CTNNA3: variants seen among roughly 807,000 people sequenced by gnomAD.
The protein encoded by CTNNA3 is catenin alpha-3.
A neutral mutation model predicts 95.7 loss-of-function variants in CTNNA3; 76 were observed. That is an observed-to-expected ratio of 0.79 (90% CI 0.66 to 0.96). The LOEUF (loss-of-function observed/expected upper bound fraction) is 0.96. CTNNA3 is among the 40% of genes least tolerant of loss of function. CTNNA3 has a pLI of 0.00. For synonymous variants in CTNNA3, 431 were observed against 374.4 expected (o/e 1.15, Z -1.74); for missense variants, 1,191 against 1,089.8 (o/e 1.09, Z -1.31).
At chr10:66,520,412 C>G (rs1179750231) in intron 11 of CTNNA3, among the ~76,000 whole-genome samples, 1 of 151,516 alleles carries the variant, frequency 6.6e-6, no homozygotes, top group African/African-American at 2.4e-5. Context: ...CCATGACACC[C>G]AGCTAATTTT....
At chr10:66,873,921 T>A (rs188764596) in intron 7 of CTNNA3, among the ~76,000 whole-genome samples, 7 of 152,212 alleles carry the variant, frequency 4.6e-5, no homozygotes, top group Admixed American at 3.9e-4. Flanking sequence ...AAAGGATGAG[T>A]TAGTCTGGAT....
intron 13 of CTNNA3, among the ~76,000 whole-genome samples, chr10:66,166,043 G>A (rs905059289): frequency 1.3e-5 from 2 of 152,108 alleles, no homozygotes; most frequent in South Asian, 4.2e-4. Flanking sequence ...TGGGATTACA[G>A]GTGTGAGCCA....
At chr10:67,532,388 T>A (rs1840354994) in intron 4 of CTNNA3, among the ~76,000 whole-genome samples, 1 of 152,182 alleles carries the variant, frequency 6.6e-6, no homozygotes, top group African/African-American at 2.4e-5. Context: ...GGTAATGTGA[T>A]TTTTCTGTCA....
At chr10:66,047,904 G>A (rs1184650892) in intron 15 of CTNNA3, among the ~76,000 whole-genome samples, 1 of 151,804 alleles carries the variant, frequency 6.6e-6, no homozygotes, top group African/African-American at 2.4e-5. Flanking sequence ...AAATACCTAG[G>A]AATACAGCTA....
At chr10:67,252,925 C>T (rs1866167409) in intron 5 of CTNNA3, among the ~76,000 whole-genome samples, 1 of 152,200 alleles carries the variant, frequency 6.6e-6, no homozygotes, top group African/African-American at 2.4e-5. Flanking sequence ...TGAGGTATGA[C>T]AACCAAACTA....
intron 13 of CTNNA3, among the ~76,000 whole-genome samples, chr10:66,107,041 T>G (rs184373171): frequency 0.011 from 1,638 of 152,294 alleles, 9 homozygotes; most frequent in Middle Eastern, 0.051. Flanking sequence ...ACTTTAATCA[T>G]GTCTAACAGC....
chr10:66,281,765 T>C (rs2091495933), intron 12 of CTNNA3, among the ~76,000 whole-genome samples: 1 of 151,824 alleles, frequency 6.6e-6, no homozygotes. Context: ...CTGCCTGCCA[T>C]GTTATTGATA....
chr10:67,159,498 G>C (rs1003027042), intron 7 of CTNNA3, among the ~76,000 whole-genome samples: 9 of 152,144 alleles, frequency 5.9e-5, no homozygotes, highest in African/African-American at 2.2e-4. Flanking sequence ...GAACAGAATA[G>C]AGAGCCCAGA....
chr10:67,736,315 G>A (rs1249027183), intron 1 of CTNNA3, among the ~76,000 whole-genome samples: 5 of 152,106 alleles, frequency 3.3e-5, no homozygotes, highest in Admixed American at 6.6e-5. Context: ...CAGAGTTTCT[G>A]TTTGGGATGA....
At chr10:66,275,877 C>T (rs1370315215) in intron 13 of CTNNA3, among the ~76,000 whole-genome samples, 1 of 151,728 alleles carries the variant, frequency 6.6e-6, no homozygotes, top group South Asian at 2.1e-4. Context: ...AGTTGTGACA[C>T]TGCAGGTAAT....
At chr10:67,113,956 ACCTGTAGTC>A (rs1859036853) in intron 7 of CTNNA3, among the ~76,000 whole-genome samples, 2 of 152,006 alleles carry the variant, frequency 1.3e-5, no homozygotes, top group African/African-American at 4.8e-5. Context: ...GGTGGTGCAC[ACCTGTAGTC>A]CCAGCTACTC....
At chr10:67,745,016 C>T (rs1373774799) in intron 1 of CTNNA3, among the ~76,000 whole-genome samples, 1 of 151,920 alleles carries the variant, frequency 6.6e-6, no homozygotes, top group Non-Finnish European at 1.5e-5. Flanking sequence ...ACAACAGGTG[C>T]TGGAGAGGAT....
chr10:66,408,658 C>A (rs1474611353), intron 11 of CTNNA3, among the ~76,000 whole-genome samples: 1 of 152,092 alleles, frequency 6.6e-6, no homozygotes, highest in Non-Finnish European at 1.5e-5. Flanking sequence ...TTTATTCTTT[C>A]AATAATACTC....
intron 7 of CTNNA3, among the ~76,000 whole-genome samples, chr10:66,842,334 C>T (rs1274564064): frequency 6.6e-6 from 1 of 151,696 alleles, no homozygotes; most frequent in Admixed American, 6.6e-5. Context: ...AGAATTACTA[C>T]AAAAAGGAAA....
chr10:66,994,870 C>T (rs1851243098), intron 7 of CTNNA3, among the ~76,000 whole-genome samples: 1 of 152,048 alleles, frequency 6.6e-6, no homozygotes, highest in South Asian at 2.1e-4. Context: ...CCAAATGTTA[C>T]AATATGAAAT....
At chr10:67,469,968 T>C (rs1189907553) in intron 5 of CTNNA3, among the ~76,000 whole-genome samples, 1 of 152,194 alleles carries the variant, frequency 6.6e-6, no homozygotes, top group Non-Finnish European at 1.5e-5. Flanking sequence ...TTTTAGTTAT[T>C]TTTAAATGTA....
chr10:66,863,994 C>A (rs1384324300), intron 7 of CTNNA3, among the ~76,000 whole-genome samples: 1 of 152,010 alleles, frequency 6.6e-6, no homozygotes, highest in Non-Finnish European at 1.5e-5. Flanking sequence ...TCAATTTCTA[C>A]CAAAATCCTA....
intron 9 of CTNNA3, among the ~76,000 whole-genome samples, chr10:66,659,049 A>G (rs1846165487): frequency 6.6e-6 from 1 of 152,114 alleles, no homozygotes; most frequent in Non-Finnish European, 1.5e-5. Flanking sequence ...TATTCACTGA[A>G]TGAATATTTA....
At chr10:66,125,314 C>A (rs2082770066) in intron 13 of CTNNA3, among the ~76,000 whole-genome samples, 1 of 151,720 alleles carries the variant, frequency 6.6e-6, no homozygotes, top group Admixed American at 6.6e-5. Context: ...TGAATGATAG[C>A]AATATTATAA....
Sources: allele counts gnomAD v4.1 joint callset (sites outside exome capture counted in the v4.1 genomes callset), GRCh38; gene constraint gnomAD v4.1.1; transcripts MANE v1.5; gene names NCBI Gene and HGNC (gene_info 2026-07-23, HGNC 2026-07-21).